Variants in WDR27 observed in about 807,000 individuals in gnomAD.
The protein encoded by WDR27 is WD repeat domain 27.
A neutral mutation model predicts 114.4 loss-of-function variants in WDR27; 100 were observed. The ratio of observed to expected loss-of-function variants is 0.87; its 90% confidence interval spans 0.74 to 1.03. The LOEUF is 1.03. Ranked by LOEUF, WDR27 falls within the 50% of genes least tolerant of loss-of-function variation. The probability of loss-of-function intolerance (pLI) is 0.00; values close to 1 mark genes in which losing one functional copy is unlikely to be tolerated. For synonymous variants in WDR27, 449 were observed against 423.1 expected (o/e 1.06, Z -0.75); for missense variants, 1,129 against 1,092.9 (o/e 1.03, Z -0.47).
chr6:169,620,581 C>T (rs1812875940), intron 21 of WDR27, among the ~76,000 whole-genome samples: 1 of 152,264 alleles, frequency 6.6e-6, no homozygotes, highest in East Asian at 1.9e-4. Flanking sequence ...TGGAAGCCCT[C>T]GCCTCAAATC....
chr6:169,630,171 A>G (rs1815984028), intron 21 of WDR27, among the ~76,000 whole-genome samples: 1 of 152,188 alleles, frequency 6.6e-6, no homozygotes. Context: ...CTTTAGATAC[A>G]TTTTTAGACA....
At chr6:169,463,313 G>T (rs2115282607) in intron 25 of WDR27, among the ~76,000 whole-genome samples, 1 of 152,250 alleles carries the variant, frequency 6.6e-6, no homozygotes, top group East Asian at 1.9e-4. Flanking sequence ...CATAAGCTAG[G>T]CACTTCTTAA....
chr6:169,515,149 A>G (rs1583904910), intron 25 of WDR27, among the ~76,000 whole-genome samples: 1 of 152,046 alleles, frequency 6.6e-6, no homozygotes, highest in African/African-American at 2.4e-5. Context: ...AACTCCCTTA[A>G]TTTACTAAAG....
In WDR27 at chr6:169,457,655, C is replaced by A. The variant is rs373448043; in HGVS notation, c.2646-21G>T. ...GCAAGCTGTAATTGAAAATAAAATACCATGTAATTCCAATCGCCTTTTATT... is the reference window on the plus strand; with the variant it reads ...GCAAGCTGTAATTGAAAATAAAATAACATGTAATTCCAATCGCCTTTTATT... On this transcript the variant is annotated intron_variant, in intron 25 of 25. Transcript: ENST00000448612. The A allele has an allele frequency of 2.1e-4, 323 of 1,537,620 alleles. No homozygotes were observed. In the African/African-American group the frequency reaches 3.7e-3, roughly 18 times the overall value.
intron 16 of WDR27, among the ~76,000 whole-genome samples, chr6:169,645,023 T>TAAAAAAAAAAATAAAAA (rs1820200961): frequency 8.5e-5 from 4 of 46,982 alleles, no homozygotes; most frequent in Non-Finnish European, 1.2e-4. Context: ...AAAAAAAAAA[T>TAAAAAAAAAAATAAAAA]AAAAAAAAAA....
At chr6:169,486,774 G>T (rs1376098528) in intron 25 of WDR27, among the ~76,000 whole-genome samples, 1 of 152,202 alleles carries the variant, frequency 6.6e-6, no homozygotes, top group Non-Finnish European at 1.5e-5. Flanking sequence ...ACAGGCATAA[G>T]CCACTGCTCC....
chr6:169,681,607 T>C (rs1250650909), intron 2 of WDR27, among the ~76,000 whole-genome samples: 1 of 152,226 alleles, frequency 6.6e-6, no homozygotes, highest in Admixed American at 6.5e-5. Context: ...TCACACACTC[T>C]ACTAACTGAT....
At chr6:169,560,933 A>T (rs3006197) in intron 25 of WDR27, among the ~76,000 whole-genome samples, 87,260 of 151,912 alleles carry the variant, frequency 0.57, 28,527 homozygotes, top group Non-Finnish European at 0.72. Flanking sequence ...TTTGCTGAGG[A>T]ACTACATAGA....
chr6:169,435,690 T>C, the WDR27 span, among the ~76,000 whole-genome samples: 1 of 152,374 alleles, frequency 6.6e-6, no homozygotes, highest in African/African-American at 2.4e-5. Context: ...TGTACTCCTA[T>C]TGTATCTTGG....
chr6:169,432,373 T>C, the WDR27 span, among the ~76,000 whole-genome samples: 4 of 152,184 alleles, frequency 2.6e-5, no homozygotes, highest in Non-Finnish European at 4.4e-5. Flanking sequence ...TTACCAAAAA[T>C]TTTGTTCACA....
the WDR27 span, among the ~76,000 whole-genome samples, chr6:169,439,871 A>G: frequency 6.8e-6 from 1 of 146,842 alleles, no homozygotes; most frequent in East Asian, 2.0e-4. Flanking sequence ...CCAATATTAT[A>G]TTGGTAGTTA....
At chr6:169,555,980 G>A (rs1380414835) in intron 25 of WDR27, among the ~76,000 whole-genome samples, 1 of 152,216 alleles carries the variant, frequency 6.6e-6, no homozygotes, top group Non-Finnish European at 1.5e-5. Flanking sequence ...GTTTGTGATG[G>A]AGGTAGAGGA....
intron 25 of WDR27, among the ~76,000 whole-genome samples, chr6:169,529,788 T>C (rs1322267532): frequency 6.6e-6 from 1 of 152,196 alleles, no homozygotes; most frequent in Non-Finnish European, 1.5e-5. Flanking sequence ...TTACATTGTA[T>C]CTTTTCCCTT....
intron 17 of WDR27, among the ~76,000 whole-genome samples, chr6:169,639,199 G>A (rs924193143): frequency 2.0e-5 from 3 of 150,726 alleles, no homozygotes; most frequent in South Asian, 2.1e-4. Context: ...CGTGTACTGC[G>A]TGGTGCTGGG....
intron 2 of WDR27, among the ~76,000 whole-genome samples, chr6:169,687,837 C>T (rs536921090): frequency 6.7e-4 from 102 of 152,026 alleles, no homozygotes; most frequent in Non-Finnish European, 1.3e-3. Flanking sequence ...ACCCACATTG[C>T]GTTGAAAAAA....
At position 169,596,856 on chromosome 6, in the gene WDR27, T is replaced by C. The variant is rs577648959; in HGVS notation, c.2424+5363A>G. 5.9e-4 allele frequency among the ~76,000 whole-genome samples: 90 copies of C among 152,222 alleles called. 1 individual carries two copies. Among genetic ancestry groups the C allele is most frequent in the Admixed American group, 2.0e-3 (31 of 15,288 alleles). ...AAGTGTCATGATCATCAATAATCTG[T>C]TTTCTAGTCATTTCTAGTCATTAAG... On this transcript the variant is annotated intron_variant, in intron 23 of 25. Transcript: ENST00000448612.
rs76611591 is a variant in WDR27, at chr6:169,688,774, G to C, written c.189+43C>G. 1.8e-3 allele frequency: 2,622 copies of C among 1,493,238 alleles called. 40 individuals carry two copies. The African/African-American group carries it at 0.032, about 18-fold the overall frequency. The allele number at this position is 1,493,238 out of a possible 1,614,324, so 92.5% of individuals were successfully genotyped here. ...CAGCATCAAAGACATGGAGAGACAAGGGCAAGGCCTTCATGACACTGGACA... is the reference window on the plus strand; with the variant it reads ...CAGCATCAAAGACATGGAGAGACAACGGCAAGGCCTTCATGACACTGGACA... On this transcript the variant is annotated intron_variant, in intron 2 of 25. Coordinates refer to ENST00000448612, the MANE Select transcript of WDR27 (RefSeq NM_182552.5).
intron 7 of WDR27, 171 bp downstream of exon 7, chr6:169,665,315 G>A (rs1827528736): frequency 7.1e-7 from 1 of 1,398,902 alleles, no homozygotes; most frequent in South Asian, 1.6e-5. Flanking sequence ...GGACCATATT[G>A]AACCCACAGT....
At chr6:169,507,001 C>T (rs1792084338) in intron 25 of WDR27, among the ~76,000 whole-genome samples, 1 of 152,122 alleles carries the variant, frequency 6.6e-6, no homozygotes, top group Admixed American at 6.5e-5. Flanking sequence ...GAATTTAATC[C>T]AAACAACACT....
Sources: gnomAD v4.1 joint callset for allele counts (sites outside exome capture counted in the v4.1 genomes callset) on GRCh38, gnomAD v4.1.1 for gene constraint, MANE v1.5 for transcripts, NCBI Gene and HGNC (gene_info 2026-07-23, HGNC 2026-07-21) for gene names.